Variants in RBFOX3 observed in about 807,000 individuals in gnomAD.
RBFOX3 encodes the protein RNA binding fox-1 homolog 3.
A neutral mutation model predicts 48.7 loss-of-function variants in RBFOX3; 17 were observed. The observed-to-expected ratio is 0.35, with a 90% CI of 0.24 to 0.52. The LOEUF (loss-of-function observed/expected upper bound fraction) is 0.52. Among genes scored for constraint, RBFOX3 ranks in the 20% least tolerant of loss-of-function variants. RBFOX3 has a pLI of 0.94. For missense variants in RBFOX3, 382 were observed against 497.5 expected (o/e 0.77, Z 2.21); for synonymous variants, 212 against 209.5 (o/e 1.01, Z -0.10).
chr17:79,533,463 G>A (rs1415122048), intron 1 of RBFOX3, among the ~76,000 whole-genome samples: 1 of 152,272 alleles, frequency 6.6e-6, no homozygotes, highest in Non-Finnish European at 1.5e-5. Flanking sequence ...CACCTGTCAG[G>A]GAGGGGCCTC....
At chr17:79,248,019 C>T (rs1196703836) in intron 3 of RBFOX3, among the ~76,000 whole-genome samples, 1 of 152,222 alleles carries the variant, frequency 6.6e-6, no homozygotes, top group African/African-American at 2.4e-5. Flanking sequence ...GAAACAGAGC[C>T]ACCAGAGGCA....
intron 2 of RBFOX3, among the ~76,000 whole-genome samples, chr17:79,366,048 C>G (rs1035276067): frequency 7.9e-5 from 12 of 152,280 alleles, no homozygotes; most frequent in African/African-American, 2.4e-4. Context: ...ACAGGGGACA[C>G]ACCATGCTGC....
intron 10 of RBFOX3, 86 bp downstream of exon 10, chr17:79,097,606 C>G: frequency 7.7e-7 from 1 of 1,303,924 alleles, no homozygotes; most frequent in Non-Finnish European, 1.1e-6. Flanking sequence ...TGGCCCCGCC[C>G]CTCATGCCCC....
chr17:79,412,620 G>T (rs558763216), intron 2 of RBFOX3, among the ~76,000 whole-genome samples: 31 of 150,898 alleles, frequency 2.1e-4, no homozygotes, highest in African/African-American at 7.6e-4. Context: ...GGTGTTATGT[G>T]TGTGTGAATG....
At chr17:79,143,527 A>G (rs1473743282) in intron 4 of RBFOX3, among the ~76,000 whole-genome samples, 2 of 152,082 alleles carry the variant, frequency 1.3e-5, no homozygotes, top group Non-Finnish European at 2.9e-5. Context: ...CAGGCTCGCC[A>G]CTACCCTGTG....
the RBFOX3 span, among the ~76,000 whole-genome samples, chr17:79,646,822 C>T: frequency 2.6e-5 from 4 of 152,154 alleles, no homozygotes; most frequent in Non-Finnish European, 4.4e-5. Context: ...TGCCAGCCAC[C>T]CTCTGCCCCA....
At chr17:79,113,863 C>T (rs1425280068) in intron 5 of RBFOX3, among the ~76,000 whole-genome samples, 1 of 149,090 alleles carries the variant, frequency 6.7e-6, no homozygotes, top group African/African-American at 2.4e-5. Context: ...CAAATGTCTG[C>T]CGAGTGAAGG....
intron 4 of RBFOX3, among the ~76,000 whole-genome samples, chr17:79,216,849 A>G (rs2059119766): frequency 6.6e-6 from 1 of 152,106 alleles, no homozygotes. Flanking sequence ...GCAGAGCCAG[A>G]TCCCAGAGCA....
chr17:79,467,971 G>A (rs935214098), intron 2 of RBFOX3, among the ~76,000 whole-genome samples: 3 of 152,108 alleles, frequency 2.0e-5, no homozygotes, highest in Admixed American at 1.3e-4. Context: ...CCCAGGAGAC[G>A]GTTCTTCTCC....
chr17:79,148,092 G>T (rs941251827), intron 4 of RBFOX3, among the ~76,000 whole-genome samples: 3 of 144,038 alleles, frequency 2.1e-5, no homozygotes, highest in South Asian at 2.1e-4. Flanking sequence ...CCCAGGGTGC[G>T]TGCGGCCCTA....
At chr17:79,548,195 T>C (rs1348871042) in intron 1 of RBFOX3, among the ~76,000 whole-genome samples, 1 of 152,124 alleles carries the variant, frequency 6.6e-6, no homozygotes, top group African/African-American at 2.4e-5. Flanking sequence ...CAGCTCCTGG[T>C]GCCCCCAGCT....
intron 4 of RBFOX3, among the ~76,000 whole-genome samples, chr17:79,120,039 C>A (rs2035266165): frequency 6.6e-6 from 1 of 152,184 alleles, no homozygotes; most frequent in Non-Finnish European, 1.5e-5. Flanking sequence ...CTCTTCTTCC[C>A]AGGTCTGCTA....
intron 2 of RBFOX3, among the ~76,000 whole-genome samples, chr17:79,459,114 C>T (rs2075022013): frequency 6.6e-6 from 1 of 152,234 alleles, no homozygotes; most frequent in South Asian, 2.1e-4. Context: ...CCCCTAGGCA[C>T]TCCACAGCCT....
chr17:79,194,652 G>C (rs2055184375), intron 4 of RBFOX3, among the ~76,000 whole-genome samples: 1 of 151,902 alleles, frequency 6.6e-6, no homozygotes, highest in African/African-American at 2.4e-5. Flanking sequence ...CAAGAGTTTT[G>C]TGTAGACCTG....
chr17:79,230,554 C>T (rs183412997), intron 4 of RBFOX3, among the ~76,000 whole-genome samples: 9 of 152,244 alleles, frequency 5.9e-5, no homozygotes, highest in Middle Eastern at 3.4e-3. Context: ...CCACGGCACC[C>T]GGCTCTCCTT....
At chr17:79,250,223 A>G (rs2063734151) in intron 3 of RBFOX3, among the ~76,000 whole-genome samples, 1 of 152,118 alleles carries the variant, frequency 6.6e-6, no homozygotes, top group Admixed American at 6.5e-5. Flanking sequence ...GACTTCTATC[A>G]CACCCATGTC....
At chr17:79,547,059 A>G (rs2090543017) in intron 1 of RBFOX3, among the ~76,000 whole-genome samples, 2 of 152,194 alleles carry the variant, frequency 1.3e-5, no homozygotes, top group African/African-American at 4.8e-5. Flanking sequence ...CCTTCCATCC[A>G]GGGCTGGACA....
At chr17:79,358,119 T>C (rs1182333487) in intron 2 of RBFOX3, among the ~76,000 whole-genome samples, 21 of 152,246 alleles carry the variant, frequency 1.4e-4, no homozygotes. Context: ...CTAATTTTTA[T>C]ATTTTTTGTA....
chr17:79,333,203 C>T (rs570640266), intron 2 of RBFOX3, among the ~76,000 whole-genome samples: 38 of 152,258 alleles, frequency 2.5e-4, no homozygotes, highest in African/African-American at 4.8e-4. Context: ...CACATTTACA[C>T]GCAGCAGACC....
Sources: allele counts gnomAD v4.1 joint callset (sites outside exome capture counted in the v4.1 genomes callset), GRCh38; gene constraint gnomAD v4.1.1; transcripts MANE v1.5; gene names NCBI Gene and HGNC (gene_info 2026-07-23, HGNC 2026-07-21).